The following DBR1 variants were observed in gnomAD, a reference collection of about 807,000 sequenced individuals.
DBR1 encodes the protein lariat debranching enzyme.
DBR1 carries 33 observed loss-of-function variants against 45.9 expected under a neutral mutation model. The observed-to-expected ratio is 0.72, with a 90% CI of 0.55 to 0.96. The LOEUF (loss-of-function observed/expected upper bound fraction) is 0.96. DBR1 is among the 40% of genes least tolerant of loss of function. DBR1 has a pLI of 0.00. For synonymous variants in DBR1, 235 were observed against 235.9 expected (o/e 1.00, Z 0.04); for missense variants, 619 against 667.4 (o/e 0.93, Z 0.80).
chr3:138,171,475 CAAAAAAAAAAAAAA>C (rs906867666), intron 3 of DBR1, 144 bp downstream of exon 3: 6 of 69,566 alleles, frequency 8.6e-5, no homozygotes, highest in Non-Finnish European at 1.5e-4. Context: ...AACTCTGTCT[CAAAAAAAAAAAAAA>C]AAAAAAAAAA....
intron 2 of DBR1, 69 bp from the exon 3 acceptor site, chr3:138,171,782 C>A: frequency 8.9e-7 from 1 of 1,125,924 alleles, no homozygotes; most frequent in Non-Finnish European, 1.3e-6. Flanking sequence ...ATAAACCATT[C>A]CATTTAGATG....
At chr3:138,172,307 G>T (rs2042958770) in intron 2 of DBR1, among the ~76,000 whole-genome samples, 1 of 152,158 alleles carries the variant, frequency 6.6e-6, no homozygotes, top group Non-Finnish European at 1.5e-5. Flanking sequence ...GATGAAGCTG[G>T]GTGCGGTGGC....
chr3:138,162,995 C>T (rs2042914779), intron 7 of DBR1, among the ~76,000 whole-genome samples: 1 of 152,194 alleles, frequency 6.6e-6, no homozygotes, highest in Admixed American at 6.5e-5. Flanking sequence ...CAGCAGCTCA[C>T]GCCTGTAATC....
intron 2 of DBR1, 42 bp downstream of exon 2, chr3:138,173,460 C>T: frequency 6.2e-7 from 1 of 1,607,034 alleles, no homozygotes; most frequent in Non-Finnish European, 8.5e-7. Context: ...ATAAGCTCTT[C>T]CATCCCAGGA....
rs373179901 is a variant in DBR1, at chr3:138,162,441, A to G, written c.1083T>C (p.His361=). 59 of 1,614,046 alleles carry G rather than the reference A, an allele frequency of 3.7e-5. 2 individuals carry two copies. In the South Asian group the frequency reaches 5.6e-4, roughly 15 times the overall value. ...ATTCAGTTGTCTGAGGATTGATCCTATGAATCAGCTGCATTTGTGTCTGTG... is the reference window on the plus strand; with the variant it reads ...ATTCAGTTGTCTGAGGATTGATCCTGTGAATCAGCTGCATTTGTGTCTGTG... ...SKPQTQMQLI[H]RINPQTTEFC... The change falls in exon 8 of 8, where the codon CAT becomes CAC. Residue 361 remains histidine (H), a synonymous_variant. Coordinates refer to ENST00000260803, the MANE Select transcript of DBR1 (RefSeq NM_016216.4).
intron 4 of DBR1, among the ~76,000 whole-genome samples, 163 bp downstream of exon 4, chr3:138,169,944 A>C (rs967019580): frequency 1.3e-5 from 2 of 152,138 alleles, no homozygotes; most frequent in African/African-American, 4.8e-5. Flanking sequence ...AAAAAAGAAA[A>C]AAAAAAGGTT....
rs1342081548 is a variant in DBR1, at chr3:138,164,641, T to TTTTTC, written c.715-788_715-784dup. Among the ~76,000 whole-genome samples the TTTTTC allele has an allele frequency of 5.9e-5, 9 of 152,296 alleles. No homozygotes were observed. In the South Asian group the frequency reaches 1.9e-3, roughly 32 times the overall value. ...TGAATTGTTCACTTAAAATGTGGTT[T>TTTTTC]TTTTCTTTTCTTTTCTTTGTTTTGA... On this transcript the variant is annotated intron_variant, in intron 5 of 7. Transcript: ENST00000260803.
chr3:138,163,253 C>G (rs2042915784), intron 7 of DBR1, 96 bp downstream of exon 7: 2 of 1,303,776 alleles, frequency 1.5e-6, no homozygotes, highest in South Asian at 2.8e-5. Context: ...GATAACAGAG[C>G]TAGACCCTGT....
chr3:138,161,088 A>G lies in DBR1; in HGVS notation c.*801T>C, dbSNP rs2042904368. The G allele has an allele frequency of 1.3e-5, 2 of 152,188 alleles. No homozygotes were observed. Among genetic ancestry groups the G allele is most frequent in the South Asian group, 4.1e-4 (2 of 4,836 alleles). The allele number at this position is 152,188 out of a possible 1,614,324, so 9.4% of individuals were successfully genotyped here. A position where few individuals can be genotyped will look rare whatever the true frequency, so the allele number is the denominator to read the frequency against. ...TTCAATTTTTATTTGACAGATATTAAAAGCTGATCAGGAAAAATATTTATA... is the reference window on the plus strand; with the variant it reads ...TTCAATTTTTATTTGACAGATATTAGAAGCTGATCAGGAAAAATATTTATA... On this transcript the variant is annotated 3_prime_UTR_variant, in exon 8 of 8. Transcript: ENST00000260803.
rs1269456024 is a variant in DBR1 at position 138,173,384 on chromosome 3, TTTAAA to T, written c.322+113_322+117del. 4 of 1,026,698 alleles carry T rather than the reference TTTAAA, an allele frequency of 3.9e-6. No individual in the cohort carries two copies. The Admixed American group carries it at 7.5e-5, about 19-fold the overall frequency. 63.6% of individuals were successfully genotyped at this position (1,026,698 alleles called of 1,614,324 possible). A position where few individuals can be genotyped will look rare whatever the true frequency, so the allele number is the denominator to read the frequency against. On this transcript the variant is annotated intron_variant, in intron 2 of 7. Coordinates refer to ENST00000260803, the MANE Select transcript of DBR1 (RefSeq NM_016216.4). ...TTAATTAAATTTTCACGATTAAGTA[TTTAAA>T]TTAATGACATTCTCCAAACACCATA... is the stretch of plus-strand genomic sequence containing the variant.
intron 5 of DBR1, among the ~76,000 whole-genome samples, 180 bp downstream of exon 5, chr3:138,166,901 C>T (rs940321042): frequency 3.9e-5 from 6 of 152,174 alleles, no homozygotes; most frequent in Admixed American, 1.3e-4. Context: ...CCACTGCCTA[C>T]GTTTTCTCTC....
intron 2 of DBR1, among the ~76,000 whole-genome samples, chr3:138,172,408 A>G (rs2042959350): frequency 6.6e-6 from 1 of 152,066 alleles, no homozygotes; most frequent in Admixed American, 6.6e-5. Flanking sequence ...ACATGGCCAA[A>G]CTCAGTCTCC....
chr3:138,171,289 A>T (rs551339662), intron 3 of DBR1: 69 of 171,026 alleles, frequency 4.0e-4, no homozygotes, highest in Middle Eastern at 2.8e-3. Context: ...CCTGACCAAC[A>T]TGGTGAAACC....
Position 138,163,867 on chromosome 3 carries a change from T to C in DBR1, c.715-9A>G. 6.2e-7 allele frequency: 1 copy of C among 1,601,834 alleles called. No homozygotes were observed. ...TGTCCTTTATCCTTTGCCTGGACAA[T>C]ATGAATCATGATTTAAGAAAGAATG... On this transcript the variant is annotated splice_polypyrimidine_tract_variant and intron_variant, in intron 5 of 7. Coordinates refer to ENST00000260803, the MANE Select transcript of DBR1 (RefSeq NM_016216.4).
At chr3:138,166,892 C>G (rs1274525323) in intron 5 of DBR1, among the ~76,000 whole-genome samples, 189 bp downstream of exon 5, 1 of 152,170 alleles carries the variant, frequency 6.6e-6, no homozygotes, top group African/African-American at 2.4e-5. Flanking sequence ...TAGGTGCTCC[C>G]ACTGCCTACG....
intron 1 of DBR1, 125 bp downstream of exon 1, chr3:138,174,474 A>T: frequency 2.0e-6 from 2 of 996,018 alleles, no homozygotes; most frequent in Non-Finnish European, 3.0e-6. Context: ...CCCTGTATTC[A>T]GTTAGGCACC....
chr3:138,166,092 CTT>C (rs2042929365), intron 5 of DBR1, among the ~76,000 whole-genome samples: 1 of 152,218 alleles, frequency 6.6e-6, no homozygotes, highest in African/African-American at 2.4e-5. Flanking sequence ...ACATTCTACT[CTT>C]GAGAAAGGCA....
At chr3:138,166,195 A>C (rs1290985028) in intron 5 of DBR1, among the ~76,000 whole-genome samples, 1 of 152,218 alleles carries the variant, frequency 6.6e-6, no homozygotes, top group Admixed American at 6.5e-5. Context: ...TTTTCTACAC[A>C]GTTTTCCTAT....
chr3:138,161,833 T>G lies in DBR1; in HGVS notation c.*56A>C. The G allele has an allele frequency of 1.4e-6, 2 of 1,389,394 alleles. No homozygotes were observed. The highest frequency in any genetic ancestry group is 2.0e-6 in the Non-Finnish European group (2 of 987,118). 86.1% of individuals were successfully genotyped at this position (1,389,394 alleles called of 1,614,324 possible). A position where few individuals can be genotyped will look rare whatever the true frequency, so the allele number is the denominator to read the frequency against. ...TGCACTCCAGTCTAGGTGACAAGAGTGAAACTCCATCTCAAAAAAACAAAA... is the reference window on the plus strand; with the variant it reads ...TGCACTCCAGTCTAGGTGACAAGAGGGAAACTCCATCTCAAAAAAACAAAA... On this transcript the variant is annotated 3_prime_UTR_variant, in exon 8 of 8. Transcript: ENST00000260803.
Sources: allele counts gnomAD v4.1 joint callset (sites outside exome capture counted in the v4.1 genomes callset), GRCh38; gene constraint gnomAD v4.1.1; transcripts MANE v1.5; gene names NCBI Gene and HGNC (gene_info 2026-07-23, HGNC 2026-07-21).